The following SGCD variants were observed in gnomAD, a reference collection of about 807,000 sequenced individuals.
SGCD encodes sarcoglycan delta, also known as delta-sarcoglycan.
Under a neutral mutation model 36.6 loss-of-function variants are expected in SGCD, and 18 were observed. That is an observed-to-expected ratio of 0.49 (90% CI 0.34 to 0.73). The LOEUF is 0.73. SGCD is among the 30% of genes least tolerant of loss of function. The pLI, the probability that SGCD is intolerant of heterozygous loss-of-function variation, is 0.01. For missense variants in SGCD, 387 were observed against 346.7 expected (o/e 1.12, Z -0.92); for synonymous variants, 133 against 130.6 (o/e 1.02, Z -0.12).
upstream of SGCD, among the ~76,000 whole-genome samples, chr5:155,868,368 T>C (rs1350344906): frequency 2.2e-4 from 32 of 148,200 alleles, no homozygotes; most frequent in African/African-American, 3.7e-4. Flanking sequence ...TTCTTTTTTT[T>C]TTTTTTTTTT....
intron 3 of SGCD, among the ~76,000 whole-genome samples, chr5:156,232,577 T>C (rs975110371): frequency 2.0e-5 from 3 of 152,216 alleles, no homozygotes; most frequent in Non-Finnish European, 1.5e-5. Context: ...CTTTTACTTA[T>C]ATGGGCTGCA....
chr5:156,733,114 T>A (rs1756165675), intron 7 of SGCD, among the ~76,000 whole-genome samples: 1 of 152,142 alleles, frequency 6.6e-6, no homozygotes, highest in South Asian at 2.1e-4. Context: ...TTGAGGTTTG[T>A]TTGCTCTTGG....
At chr5:156,438,772 A>G (rs1047461780) in intron 3 of SGCD, among the ~76,000 whole-genome samples, 2 of 152,170 alleles carry the variant, frequency 1.3e-5, no homozygotes, top group Non-Finnish European at 2.9e-5. Context: ...CACCTAGTTT[A>G]ATTATGACAG....
chr5:156,708,844 C>A (rs157345), intron 7 of SGCD, among the ~76,000 whole-genome samples: 106,979 of 152,034 alleles, frequency 0.7, 38,734 homozygotes, highest in Middle Eastern at 0.79. Flanking sequence ...GCAATAAATT[C>A]TTAGAGAAGT....
At chr5:156,036,779 G>C (rs1276169247) in intron 1 of SGCD, among the ~76,000 whole-genome samples, 1 of 152,120 alleles carries the variant, frequency 6.6e-6, no homozygotes, top group Non-Finnish European at 1.5e-5. Flanking sequence ...AGGTTCCTAA[G>C]AGTGGCTCAT....
Position 156,134,644 on chromosome 5 carries a change from C to T in SGCD, c.-44+10625C>T, listed in dbSNP as rs530114704. 1.2e-3 allele frequency among the ~76,000 whole-genome samples: 177 copies of T among 145,730 alleles called. 3 individuals carry two copies. In the South Asian group the frequency reaches 0.018, roughly 15 times the overall value. ...TCTCACTCATAGGTGGGAATTGAAC[C>T]ATGAGAACACTTGGACACAGGGTGG... On this transcript the variant is annotated intron_variant, in intron 3 of 9. Coordinates refer to the SGCD transcript ENST00000517913.
chr5:156,267,314 G>A (rs959316504), intron 3 of SGCD, among the ~76,000 whole-genome samples: 2 of 152,028 alleles, frequency 1.3e-5, no homozygotes, highest in African/African-American at 2.4e-5. Flanking sequence ...TTTATCACTT[G>A]TTTTTTATTT....
intron 1 of SGCD, among the ~76,000 whole-genome samples, chr5:155,930,609 C>CT (rs1223424075): frequency 1.3e-5 from 2 of 152,044 alleles, no homozygotes; most frequent in Non-Finnish European, 1.5e-5. Context: ...TTGTGCAGGT[C>CT]TGGGAGTAGG....
At chr5:156,618,947 G>A (rs920594834) in intron 6 of SGCD, among the ~76,000 whole-genome samples, 12 of 152,194 alleles carry the variant, frequency 7.9e-5, no homozygotes, top group Non-Finnish European at 2.9e-5. Context: ...GTAAGTTGGG[G>A]ATGTTTGTCA....
intron 1 of SGCD, among the ~76,000 whole-genome samples, chr5:156,329,254 G>T (rs972760897): frequency 1.3e-5 from 2 of 152,162 alleles, no homozygotes; most frequent in Non-Finnish European, 1.5e-5. Context: ...GGAGGGAGGA[G>T]CCCTTGGCAC....
chr5:156,083,915 G>C (rs1561712934), intron 1 of SGCD, among the ~76,000 whole-genome samples: 1 of 151,952 alleles, frequency 6.6e-6, no homozygotes, highest in East Asian at 1.9e-4. Flanking sequence ...GAGTGTATTT[G>C]TGTGGATCTA....
At chr5:156,476,507 C>T (rs567421191) in intron 3 of SGCD, among the ~76,000 whole-genome samples, 1 of 152,042 alleles carries the variant, frequency 6.6e-6, no homozygotes, top group Admixed American at 6.5e-5. Flanking sequence ...TTAAACATGG[C>T]CATAACAGAC....
At chr5:155,878,403 G>A (rs754526243) in intron 1 of SGCD, among the ~76,000 whole-genome samples, 1 of 151,986 alleles carries the variant, frequency 6.6e-6, no homozygotes, top group African/African-American at 2.4e-5. Context: ...AGCCCAGACA[G>A]TGGTGACCAA....
At position 156,169,566 on chromosome 5, in the gene SGCD, A is replaced by G. The variant is rs183091180; in HGVS notation, c.-44+45547A>G. 8.5e-5 allele frequency among the ~76,000 whole-genome samples: 13 copies of G among 152,300 alleles called. No homozygotes were observed. In the East Asian group the frequency reaches 2.3e-3, roughly 27 times the overall value. Reference sequence around the variant, plus strand: ...TATTCTGGTTGGAAGGGGACAAACTATAAATAAGGAAATGACTATATAAGA... The same window carrying G: ...TATTCTGGTTGGAAGGGGACAAACTGTAAATAAGGAAATGACTATATAAGA... On this transcript the variant is annotated intron_variant, in intron 3 of 9. Transcript: ENST00000517913.
chr5:156,318,827 C>T (rs1006849648), intron 3 of SGCD, among the ~76,000 whole-genome samples: 1 of 152,094 alleles, frequency 6.6e-6, no homozygotes, highest in African/African-American at 2.4e-5. Context: ...AACTCCTGAC[C>T]TCAGGTGATC....
chr5:156,191,195 T>G (rs913208240), intron 3 of SGCD, among the ~76,000 whole-genome samples: 2 of 151,958 alleles, frequency 1.3e-5, no homozygotes, highest in Admixed American at 1.3e-4. Flanking sequence ...ATAATTAGAG[T>G]TACACCTTAC....
intron 1 of SGCD, among the ~76,000 whole-genome samples, chr5:155,976,963 A>T (rs1221116260): frequency 6.6e-6 from 1 of 152,056 alleles, no homozygotes; most frequent in Non-Finnish European, 1.5e-5. Flanking sequence ...TGCATATTGG[A>T]TCCCCTTACT....
At chr5:156,662,036 C>A (rs2113631469) in intron 7 of SGCD, among the ~76,000 whole-genome samples, 1 of 142,272 alleles carries the variant, frequency 7.0e-6, no homozygotes, top group Non-Finnish European at 1.5e-5. Flanking sequence ...TTTGCGCTGA[C>A]TGAATTTTTT....
intron 3 of SGCD, among the ~76,000 whole-genome samples, chr5:156,392,981 A>C (rs1771661643): frequency 6.6e-6 from 1 of 152,014 alleles, no homozygotes; most frequent in Non-Finnish European, 1.5e-5. Flanking sequence ...GGGGAAATTC[A>C]ACATTTGGGC....
Sources: gnomAD v4.1 joint callset for allele counts (sites outside exome capture counted in the v4.1 genomes callset) on GRCh38, gnomAD v4.1.1 for gene constraint, MANE v1.5 for transcripts, NCBI Gene and HGNC (gene_info 2026-07-23, HGNC 2026-07-21) for gene names.